Variants in ZFAND3 observed in about 807,000 individuals in gnomAD.
ZFAND3 encodes AN1-type zinc finger protein 3.
Under a neutral mutation model 29.6 loss-of-function variants are expected in ZFAND3, and 10 were observed. The observed-to-expected ratio is 0.34, with a 90% CI of 0.21 to 0.57. ZFAND3 has a LOEUF of 0.57. ZFAND3 is among the 20% of genes least tolerant of loss of function. The pLI is 0.86. For synonymous variants in ZFAND3, 128 were observed against 112.6 expected (o/e 1.14, Z -0.87); for missense variants, 230 against 304.5 (o/e 0.76, Z 1.82).
intron 2 of ZFAND3, among the ~76,000 whole-genome samples, chr6:38,041,693 C>T (rs368166092): frequency 0.19 from 3,512 of 18,400 alleles, 545 homozygotes; most frequent in East Asian, 0.68. Context: ...TTCTCCTTCT[C>T]CTTCTCCTCC....
At chr6:37,959,288 GC>G (rs1762154407) in intron 2 of ZFAND3, among the ~76,000 whole-genome samples, 1 of 152,196 alleles carries the variant, frequency 6.6e-6, no homozygotes, top group Non-Finnish European at 1.5e-5. Flanking sequence ...CATTATCAGT[GC>G]AGTTTCTCTC....
intron 2 of ZFAND3, among the ~76,000 whole-genome samples, chr6:38,049,639 A>T (rs1166430272): frequency 6.6e-6 from 1 of 152,194 alleles, no homozygotes; most frequent in Non-Finnish European, 1.5e-5. Context: ...TGAATTATAT[A>T]AACATCATGT....
intron 1 of ZFAND3, among the ~76,000 whole-genome samples, chr6:37,855,213 C>T (rs898949248): frequency 4.0e-5 from 6 of 149,450 alleles, no homozygotes; most frequent in Non-Finnish European, 5.9e-5. Context: ...AGTGCCGTCT[C>T]GTCTCACGGC....
At chr6:37,884,251 T>C (rs2127393265) in intron 1 of ZFAND3, among the ~76,000 whole-genome samples, 1 of 144,904 alleles carries the variant, frequency 6.9e-6, no homozygotes, top group Non-Finnish European at 1.5e-5. Flanking sequence ...CCCAGCACTT[T>C]GGGCGGCTGA....
In ZFAND3 at chr6:38,152,778, G is replaced by A. The variant is rs1053373908; in HGVS notation, c.*389G>A. ...AAGCTGGTGTTAAAGTTCCCACGAC[G>A]CACATGGCTTTGCCAGAAACTCTGT... On this transcript the variant is annotated 3_prime_UTR_variant, in exon 6 of 6. Transcript: ENST00000287218. 1.4e-5 allele frequency: 14 copies of A among 992,732 alleles called. No individual in the cohort carries two copies. The highest frequency in any genetic ancestry group is 5.1e-4 in the Middle Eastern group (1 of 1,976). The allele number at this position is 992,732 out of a possible 1,614,324, so 61.5% of individuals were successfully genotyped here.
At chr6:38,048,025 G>A (rs9380716) in intron 2 of ZFAND3, among the ~76,000 whole-genome samples, 54,752 of 147,766 alleles carry the variant, frequency 0.37, 10,833 homozygotes, top group East Asian at 0.57. Context: ...TTATTTTTGC[G>A]ACAGGGTCTC....
chr6:37,937,569 C>T (rs541843654), intron 2 of ZFAND3, among the ~76,000 whole-genome samples: 6 of 145,932 alleles, frequency 4.1e-5, no homozygotes, highest in South Asian at 2.2e-4. Context: ...GCAGAAGAAT[C>T]GCTTGAACCA....
intron 2 of ZFAND3, among the ~76,000 whole-genome samples, chr6:38,003,521 G>A (rs985116073): frequency 2.0e-5 from 3 of 149,004 alleles, no homozygotes; most frequent in South Asian, 2.1e-4. Context: ...TTTTTGAGAC[G>A]GTGCCTCACT....
intron 2 of ZFAND3, among the ~76,000 whole-genome samples, chr6:38,006,532 C>A (rs1425327410): frequency 2.0e-5 from 3 of 152,136 alleles, no homozygotes; most frequent in African/African-American, 7.2e-5. Context: ...TGCAGCTAAG[C>A]ATGGCTTCTT....
At chr6:38,136,006 A>G (rs1420577237) in intron 5 of ZFAND3, among the ~76,000 whole-genome samples, 1 of 152,174 alleles carries the variant, frequency 6.6e-6, no homozygotes, top group African/African-American at 2.4e-5. Context: ...TTGGAGAGAA[A>G]AGAGACACAG....
intron 5 of ZFAND3, among the ~76,000 whole-genome samples, chr6:38,127,742 T>A (rs1432388084): frequency 1.3e-5 from 2 of 151,968 alleles, no homozygotes; most frequent in East Asian, 3.9e-4. Flanking sequence ...GAAAAGGTAG[T>A]CCCTCACCTC....
chr6:38,015,334 G>T (rs955273243), intron 2 of ZFAND3, among the ~76,000 whole-genome samples: 1 of 152,184 alleles, frequency 6.6e-6, no homozygotes, highest in African/African-American at 2.4e-5. Flanking sequence ...ACTGCCAAAT[G>T]TTAATGAGGA....
intron 2 of ZFAND3, among the ~76,000 whole-genome samples, chr6:37,981,754 A>G (rs1220869425): frequency 3.3e-5 from 5 of 152,168 alleles, no homozygotes; most frequent in Non-Finnish European, 4.4e-5. Context: ...AGTGTCTGAG[A>G]TAAGTCTCAA....
At chr6:38,072,989 T>C (rs951994832) in intron 3 of ZFAND3, among the ~76,000 whole-genome samples, 1 of 152,200 alleles carries the variant, frequency 6.6e-6, no homozygotes, top group African/African-American at 2.4e-5. Flanking sequence ...AGAGATCCTA[T>C]TATTAAGACC....
intron 2 of ZFAND3, among the ~76,000 whole-genome samples, chr6:38,030,116 TTCTTTTCATG>T (rs1281143055): frequency 7.0e-6 from 1 of 143,588 alleles, no homozygotes; most frequent in African/African-American, 2.6e-5. Flanking sequence ...TGAGAAGGTC[TTCTTTTCATG>T]TCTAATCTAT....
chr6:38,107,199 A>C (rs996102312), intron 4 of ZFAND3, among the ~76,000 whole-genome samples: 15 of 152,310 alleles, frequency 9.8e-5, no homozygotes, highest in Admixed American at 9.8e-4. Flanking sequence ...AATTTCAGTC[A>C]CAGAGAATGC....
chr6:37,870,319 A>AG (rs70977699), intron 1 of ZFAND3, among the ~76,000 whole-genome samples: 7 of 145,528 alleles, frequency 4.8e-5, no homozygotes, highest in South Asian at 2.2e-4. Context: ...AAAAAAAAAA[A>AG]GGGCGGGCAC....
At chr6:37,855,909 A>G (rs2127381470) in intron 1 of ZFAND3, among the ~76,000 whole-genome samples, 1 of 152,250 alleles carries the variant, frequency 6.6e-6, no homozygotes, top group Non-Finnish European at 1.5e-5. Flanking sequence ...ACCTTTCTTG[A>G]ATGCTGACGT....
chr6:37,921,894 A>C (rs1761387527), intron 1 of ZFAND3, among the ~76,000 whole-genome samples: 1 of 150,950 alleles, frequency 6.6e-6, no homozygotes, highest in Non-Finnish European at 1.5e-5. Context: ...AAAAAAAAAA[A>C]AAAACAAACC....
Sources: gnomAD v4.1 joint callset for allele counts (sites outside exome capture counted in the v4.1 genomes callset) on GRCh38, gnomAD v4.1.1 for gene constraint, MANE v1.5 for transcripts, NCBI Gene and HGNC (gene_info 2026-07-23, HGNC 2026-07-21) for gene names.